MAP4: variants seen among roughly 807,000 people sequenced by gnomAD.
MAP4 encodes the protein microtubule-associated protein 4.
A neutral mutation model predicts 170.2 loss-of-function variants in MAP4; 76 were observed. That is an observed-to-expected ratio of 0.45 (90% CI 0.37 to 0.54). The LOEUF is 0.54. Among genes scored for constraint, MAP4 ranks in the 20% least tolerant of loss-of-function variants. MAP4 has a pLI of 0.00. For synonymous variants in MAP4, 909 were observed against 994.5 expected (o/e 0.91, Z 1.62); for missense variants, 2,506 against 2,748.0 (o/e 0.91, Z 1.97).
Position 47,998,691 on chromosome 3 carries a change from G to A in MAP4, c.170C>T (p.Thr57Ile). 1 of 1,614,098 alleles carries A rather than the reference G, an allele frequency of 6.2e-7. No individual in the cohort carries two copies. ...TTTCTTCTTTGACTCTGAGTTCCCG[G>A]TTTTCTCATCAACATCCAGGAGAGG... ...YIPLLDVDEK[T>I]GNSESKKKPC... The change falls in exon 2 of 21, where the codon ACC becomes ATC. Residue 57 changes from threonine (T) to isoleucine (I), a missense_variant. By Grantham distance (89) the Thr-to-Ile change is moderately conservative. Around this residue, in one of 3 missense-constraint regions of MAP4, gnomAD observed 2,008 missense variants for 2,206.0 expected, o/e 0.91. Coordinates refer to ENST00000683076, the MANE Select transcript of MAP4 (RefSeq NM_001385682.1).
At chr3:48,008,549 G>A (rs1338397121) in intron 1 of MAP4, among the ~76,000 whole-genome samples, 1 of 152,232 alleles carries the variant, frequency 6.6e-6, no homozygotes, top group African/African-American at 2.4e-5. Flanking sequence ...GCTGGTCAGG[G>A]ACTTGGAAGG....
At chr3:48,063,305 A>G (rs147591087) in intron 1 of MAP4, among the ~76,000 whole-genome samples, 1 of 152,142 alleles carries the variant, frequency 6.6e-6, no homozygotes, top group Non-Finnish European at 1.5e-5. Context: ...GGTGAGCTGG[A>G]ATCACCTATA....
intron 3 of MAP4, among the ~76,000 whole-genome samples, chr3:47,938,168 T>TA (rs1444950024): frequency 1.3e-5 from 2 of 151,200 alleles, no homozygotes; most frequent in African/African-American, 2.4e-5. Flanking sequence ...GGTCAGGAGT[T>TA]AGAGACCAGC....
intron 10 of MAP4, among the ~76,000 whole-genome samples, chr3:47,897,355 G>C (rs1305689169): frequency 2.0e-5 from 3 of 152,078 alleles, no homozygotes; most frequent in African/African-American, 7.2e-5. Flanking sequence ...TTGAACTTCT[G>C]ACCTCAGGTG....
intron 3 of MAP4, among the ~76,000 whole-genome samples, chr3:47,976,598 C>A (rs531182266): frequency 3.7e-4 from 56 of 152,328 alleles, no homozygotes; most frequent in African/African-American, 1.3e-3. Flanking sequence ...TTCTTAAAAA[C>A]CACATCACAT....
chr3:48,032,899 T>C (rs995805517), intron 1 of MAP4, among the ~76,000 whole-genome samples: 3 of 152,224 alleles, frequency 2.0e-5, no homozygotes, highest in Non-Finnish European at 4.4e-5. Flanking sequence ...TCTTAGAAGC[T>C]AACTTACCCT....
intron 3 of MAP4, among the ~76,000 whole-genome samples, chr3:47,975,793 T>TG (rs1444135511): frequency 7.3e-6 from 1 of 136,254 alleles, no homozygotes; most frequent in African/African-American, 2.7e-5. Context: ...GTAAAGTATC[T>TG]TTTTTTTTTT....
At chr3:47,942,889 C>T (rs936067895) in intron 3 of MAP4, among the ~76,000 whole-genome samples, 1 of 152,082 alleles carries the variant, frequency 6.6e-6, no homozygotes, top group African/African-American at 2.4e-5. Flanking sequence ...GCAGGAGGAT[C>T]GCCTGAGCCC....
At chr3:47,947,725 T>C (rs771398918) in intron 3 of MAP4, among the ~76,000 whole-genome samples, 6 of 148,332 alleles carry the variant, frequency 4.0e-5, no homozygotes, top group Non-Finnish European at 5.9e-5. Flanking sequence ...GCAAGAGAAT[T>C]GCTTGAACCC....
In MAP4 at chr3:47,916,367, G is replaced by A; in HGVS notation, c.1460C>T (p.Ala487Val). 1 of 1,614,178 alleles carries A rather than the reference G, an allele frequency of 6.2e-7. No homozygotes were observed. The highest frequency in any genetic ancestry group is 8.5e-7 in the Non-Finnish European group (1 of 1,180,026). Residue 487 changes from alanine (A) to valine (V), a missense_variant, in exon 7 of 21, where the codon GCC (alanine) becomes GTC (valine). Coordinates refer to ENST00000683076, the MANE Select transcript of MAP4 (RefSeq NM_001385682.1). ...GGACGGAGCCACATCCTTGGCCGGG[G>A]CTATTTCTGTTTCTGGGAGTTGAGC... Reference protein sequence around the residue: ...DMAQLPETEIAPAKDVAPSTV... With the variant: ...DMAQLPETEIVPAKDVAPSTV...
At chr3:47,900,208 C>A (rs1157173551) in intron 10 of MAP4, among the ~76,000 whole-genome samples, 2 of 152,166 alleles carry the variant, frequency 1.3e-5, no homozygotes, top group Non-Finnish European at 2.9e-5. Context: ...AAGTTATAAT[C>A]TAGTTTCTTC....
intron 17 of MAP4, among the ~76,000 whole-genome samples, chr3:47,861,460 C>G (rs972393757): frequency 1.3e-5 from 2 of 150,032 alleles, no homozygotes; most frequent in African/African-American, 4.9e-5. Flanking sequence ...TCAAGCGATT[C>G]TCCTGCCTCA....
chr3:47,922,094 C>T (rs1451900484), intron 4 of MAP4, among the ~76,000 whole-genome samples: 1 of 151,948 alleles, frequency 6.6e-6, no homozygotes, highest in Non-Finnish European at 1.5e-5. Context: ...ATTACAGATG[C>T]CCGCCACCAT....
chr3:48,026,288 A>G (rs1354826965), intron 1 of MAP4, among the ~76,000 whole-genome samples: 2 of 152,202 alleles, frequency 1.3e-5, no homozygotes, highest in African/African-American at 4.8e-5. Flanking sequence ...ATTACTTGTA[A>G]ATAAACATTC....
chr3:47,866,347 A>AAAACAAAC (rs375667786), intron 17 of MAP4, among the ~76,000 whole-genome samples: 51 of 151,284 alleles, frequency 3.4e-4, no homozygotes, highest in Non-Finnish European at 4.7e-4. Context: ...AAACAAAAAC[A>AAAACAAAC]AAACAAACAA....
At chr3:47,956,708 G>A (rs187023782) in intron 3 of MAP4, among the ~76,000 whole-genome samples, 2 of 152,246 alleles carry the variant, frequency 1.3e-5, no homozygotes, top group East Asian at 3.9e-4. Flanking sequence ...CACTGTAGAG[G>A]AGGCTCTTAA....
At position 47,988,053 on chromosome 3, in the gene MAP4, G is replaced by A. The variant is rs1001761364; in HGVS notation, c.224-10120C>T. 2.6e-5 allele frequency among the ~76,000 whole-genome samples: 4 copies of A among 152,082 alleles called. No individual in the cohort carries two copies. The East Asian group carries it at 7.7e-4, about 29-fold the overall frequency. Reference sequence around the variant, plus strand: ...ACTAAAAATACAAAAAATTAGCCGGGCGTGGCGGCACACGCCTGTAGTCCC... The same window carrying A: ...ACTAAAAATACAAAAAATTAGCCGGACGTGGCGGCACACGCCTGTAGTCCC... On this transcript the variant is annotated intron_variant, in intron 2 of 20. Coordinates refer to ENST00000683076, the MANE Select transcript of MAP4 (RefSeq NM_001385682.1).
At chr3:48,001,994 A>G (rs2100099421) in intron 1 of MAP4, among the ~76,000 whole-genome samples, 1 of 152,058 alleles carries the variant, frequency 6.6e-6, no homozygotes, top group African/African-American at 2.4e-5. Context: ...CTGTCATCAT[A>G]CTACTTGGAA....
At chr3:48,075,985 A>G (rs2100143698) in intron 1 of MAP4, among the ~76,000 whole-genome samples, 3 of 151,470 alleles carry the variant, frequency 2.0e-5, no homozygotes, top group Non-Finnish European at 4.4e-5. Context: ...AAAAAAAAAA[A>G]AAAAAAAGAA....
Sources: gnomAD v4.1 joint callset for allele counts (sites outside exome capture counted in the v4.1 genomes callset) on GRCh38, gnomAD v4.1.1 for gene constraint, gnomAD v4.1.1 regional missense constraint, MANE v1.5 for transcripts, NCBI Gene and HGNC (gene_info 2026-07-23, HGNC 2026-07-21) for gene names.